GALNTL6: variants seen among roughly 807,000 people sequenced by gnomAD.
GALNTL6 encodes the protein polypeptide N-acetylgalactosaminyltransferase-like 6.
In GALNTL6, 46 loss-of-function variants were observed where a neutral mutation model predicts 73.7. That is an observed-to-expected ratio of 0.62 (90% CI 0.49 to 0.80). The LOEUF (loss-of-function observed/expected upper bound fraction) is 0.80, where lower values mean the gene tolerates loss of function less well. Among genes scored for constraint, GALNTL6 ranks in the 30% least tolerant of loss-of-function variants. The probability of loss-of-function intolerance (pLI) is 0.00; values close to 1 mark genes in which losing one functional copy is unlikely to be tolerated. For missense variants in GALNTL6, 604 were observed against 755.0 expected, an observed-to-expected ratio of 0.80 and a Z score of 2.34; for synonymous variants, 259 against 263.7, an observed-to-expected ratio of 0.98 and a Z score of 0.17.
intron 10 of GALNTL6, among the ~76,000 whole-genome samples, chr4:172,959,328 A>G (rs1749921804): frequency 1.3e-5 from 2 of 152,144 alleles, no homozygotes; most frequent in South Asian, 4.1e-4. Context: ...TAACTTAATT[A>G]AAATGTCTGG....
intron 2 of GALNTL6, among the ~76,000 whole-genome samples, chr4:171,888,637 A>G (rs4327449): frequency 0.54 from 81,757 of 151,730 alleles, 23,438 homozygotes; most frequent in African/African-American, 0.75. Context: ...CATTGGTCAA[A>G]CCCCACTTTT....
intron 5 of GALNTL6, among the ~76,000 whole-genome samples, chr4:172,567,351 T>C (rs1736591859): frequency 6.6e-6 from 1 of 152,130 alleles, no homozygotes; most frequent in Non-Finnish European, 1.5e-5. Flanking sequence ...ACCTATGTCC[T>C]GCTTGTGCCC....
chr4:172,881,871 C>T (rs931004007), intron 7 of GALNTL6, among the ~76,000 whole-genome samples: 4 of 152,130 alleles, frequency 2.6e-5, no homozygotes, highest in Non-Finnish European at 4.4e-5. Flanking sequence ...AGCCTCACCA[C>T]GCTAGCCTCA....
At chr4:172,940,912 G>A in intron 9 of GALNTL6, among the ~76,000 whole-genome samples, 1 of 151,982 alleles carries the variant, frequency 6.6e-6, no homozygotes, top group Non-Finnish European at 1.5e-5. Flanking sequence ...GAGGCCTCAA[G>A]CAATCCTCCA....
At chr4:172,757,287 C>T (rs140018992) in intron 5 of GALNTL6, among the ~76,000 whole-genome samples, 1 of 152,140 alleles carries the variant, frequency 6.6e-6, no homozygotes, top group Non-Finnish European at 1.5e-5. Context: ...ATAGAAAATT[C>T]GTGTTCCTGT....
intron 2 of GALNTL6, among the ~76,000 whole-genome samples, chr4:171,836,709 C>T (rs541083900): frequency 1.2e-4 from 18 of 152,154 alleles, no homozygotes; most frequent in African/African-American, 3.6e-4. Context: ...AGTCTTCTTT[C>T]GTGATTGTCA....
chr4:172,269,722 TTC>T (rs71592064), intron 3 of GALNTL6, among the ~76,000 whole-genome samples: 3 of 151,396 alleles, frequency 2.0e-5, no homozygotes, highest in South Asian at 2.1e-4. Context: ...TTTTTATGCA[TTC>T]TCTCTCTCTC....
intron 2 of GALNTL6, among the ~76,000 whole-genome samples, chr4:172,064,528 A>G (rs1469029026): frequency 2.6e-5 from 4 of 152,198 alleles, no homozygotes; most frequent in Non-Finnish European, 1.5e-5. Flanking sequence ...AGCTTTGAAT[A>G]TATATTTAAA....
intron 2 of GALNTL6, among the ~76,000 whole-genome samples, chr4:172,049,911 G>A (rs1024237119): frequency 6.6e-6 from 1 of 152,032 alleles, no homozygotes; most frequent in African/African-American, 2.4e-5. Flanking sequence ...TTGAACCCAG[G>A]AGGCAGAGGT....
intron 2 of GALNTL6, among the ~76,000 whole-genome samples, chr4:172,165,611 A>T (rs1338267458): frequency 1.3e-5 from 2 of 152,150 alleles, no homozygotes; most frequent in African/African-American, 4.8e-5. Context: ...ATTTTATGAG[A>T]TGTATATTAT....
chr4:172,842,574 G>A (rs1476668932), intron 7 of GALNTL6, among the ~76,000 whole-genome samples: 1 of 152,088 alleles, frequency 6.6e-6, no homozygotes, highest in African/African-American at 2.4e-5. Flanking sequence ...TTCACAAGGT[G>A]TAATAATATG....
intron 3 of GALNTL6, among the ~76,000 whole-genome samples, chr4:172,291,776 G>GCC (rs1739482807): frequency 6.7e-6 from 1 of 149,142 alleles, no homozygotes; most frequent in Non-Finnish European, 1.5e-5. Flanking sequence ...TCTTCTGGCA[G>GCC]CCACATTCCA....
At chr4:172,828,268 T>G (rs1387262774) in intron 7 of GALNTL6, among the ~76,000 whole-genome samples, 1 of 58,574 alleles carries the variant, frequency 1.7e-5, no homozygotes, top group East Asian at 7.0e-4. Context: ...CAAGACTCCA[T>G]CTCAAAAAAA....
At chr4:172,306,227 A>G (rs1001197659) in intron 3 of GALNTL6, among the ~76,000 whole-genome samples, 2 of 152,090 alleles carry the variant, frequency 1.3e-5, no homozygotes, top group East Asian at 3.9e-4. Flanking sequence ...TGTCTCTACT[A>G]AAAATACAAA....
At chr4:172,959,878 C>T (rs895349657) in intron 10 of GALNTL6, among the ~76,000 whole-genome samples, 5 of 152,132 alleles carry the variant, frequency 3.3e-5, no homozygotes, top group African/African-American at 9.7e-5. Context: ...CTGCCTGCTG[C>T]GGTTTAGGCG....
intron 12 of GALNTL6, among the ~76,000 whole-genome samples, chr4:173,023,936 A>T (rs145368245): frequency 6.6e-6 from 1 of 152,186 alleles, no homozygotes; most frequent in African/African-American, 2.4e-5. Flanking sequence ...TTCTGCGCAC[A>T]TCGATAAAAT....
At chr4:171,986,540 G>C (rs1740093928) in intron 2 of GALNTL6, among the ~76,000 whole-genome samples, 1 of 152,118 alleles carries the variant, frequency 6.6e-6, no homozygotes, top group African/African-American at 2.4e-5. Context: ...AAATTTTAGG[G>C]GGTGGTATGG....
intron 2 of GALNTL6, among the ~76,000 whole-genome samples, chr4:172,064,088 T>C (rs1389647957): frequency 6.6e-6 from 1 of 152,224 alleles, no homozygotes; most frequent in Non-Finnish European, 1.5e-5. Context: ...ATATTCCTGA[T>C]CCAAGCCTAT....
intron 8 of GALNTL6, among the ~76,000 whole-genome samples, chr4:172,918,906 C>T (rs1056683776): frequency 6.6e-6 from 1 of 152,166 alleles, no homozygotes; most frequent in African/African-American, 2.4e-5. Context: ...AAATAATTTG[C>T]AAACACCATT....
Sources: gnomAD v4.1 joint callset for allele counts (sites outside exome capture counted in the v4.1 genomes callset) on GRCh38, gnomAD v4.1.1 for gene constraint, MANE v1.5 for transcripts, NCBI Gene and HGNC (gene_info 2026-07-23, HGNC 2026-07-21) for gene names.